CLVS1: variants seen among roughly 807,000 people sequenced by gnomAD.
CLVS1 encodes the protein clavesin 1, also known as clavesin-1.
CLVS1 carries 10 observed loss-of-function variants against 33.1 expected under a neutral mutation model. That is an observed-to-expected ratio of 0.30 (90% CI 0.19 to 0.51). The LOEUF (loss-of-function observed/expected upper bound fraction) is 0.51, where lower values mean the gene tolerates loss of function less well. Ranked by LOEUF, CLVS1 falls within the 20% of genes least tolerant of loss-of-function variation. CLVS1 has a pLI of 0.97. For synonymous variants in CLVS1, 163 were observed against 166.1 expected, an observed-to-expected ratio of 0.98 and a Z score of 0.14; for missense variants, 343 against 433.4, an observed-to-expected ratio of 0.79 and a Z score of 1.85.
chr8:61,067,311 C>T (rs1056050372), intron 1 of CLVS1, among the ~76,000 whole-genome samples: 4 of 151,684 alleles, frequency 2.6e-5, no homozygotes, highest in Middle Eastern at 3.4e-3. Context: ...ATGGAGTGTG[C>T]TCGACAAATA....
At chr8:61,292,534 T>C in intron 1 of CLVS1, 1 of 369,014 alleles carries the variant, frequency 2.7e-6, no homozygotes, top group South Asian at 2.2e-5. Flanking sequence ...ACTCTTTCCC[T>C]TTGAAGACAG....
intron 2 of CLVS1, among the ~76,000 whole-genome samples, chr8:61,214,062 G>T (rs1219424132): frequency 2.0e-5 from 3 of 152,182 alleles, no homozygotes; most frequent in African/African-American, 7.2e-5. Flanking sequence ...TCCCAGGCTT[G>T]TTAGGAAGAG....
chr8:61,374,665 A>C (rs1426388725), intron 2 of CLVS1, among the ~76,000 whole-genome samples: 1 of 152,238 alleles, frequency 6.6e-6, no homozygotes, highest in Admixed American at 6.5e-5. Context: ...AAAAATTAAA[A>C]GGGAATATAT....
At chr8:61,171,816 C>T (rs11991440) in intron 2 of CLVS1, among the ~76,000 whole-genome samples, 2,674 of 152,132 alleles carry the variant, frequency 0.018, 78 homozygotes, top group African/African-American at 0.061. Context: ...ACCACATGAA[C>T]GATATGGACG....
At chr8:61,174,848 C>T (rs142345510) in intron 2 of CLVS1, among the ~76,000 whole-genome samples, 1,196 of 89,254 alleles carry the variant, frequency 0.013, 6 homozygotes, top group Non-Finnish European at 0.02. Flanking sequence ...TTATCCCCCC[C>T]GTCAGCTTCC....
At chr8:61,098,746 A>G (rs920534351) in intron 1 of CLVS1, among the ~76,000 whole-genome samples, 2 of 152,130 alleles carry the variant, frequency 1.3e-5, no homozygotes, top group African/African-American at 4.8e-5. Flanking sequence ...GCCTACTCAT[A>G]TCCACCCCCA....
At position 61,366,928 on chromosome 8, in the gene CLVS1, C is replaced by G. The variant is rs74784842; in HGVS notation, c.456-9677C>G. On this transcript the variant is annotated intron_variant, in intron 2 of 5. Coordinates refer to ENST00000325897, the MANE Select transcript of CLVS1 (RefSeq NM_173519.3). Reference sequence around the variant, plus strand: ...ATGTTAATATTAATATTGTGTGATACTGTGCTGGGTGCTGATTCCTACTAT... The same window carrying G: ...ATGTTAATATTAATATTGTGTGATAGTGTGCTGGGTGCTGATTCCTACTAT... Among the ~76,000 whole-genome samples, 1,423 of 152,212 alleles carry G rather than the reference C, an allele frequency of 9.3e-3. 24 individuals carry two copies. Among genetic ancestry groups the G allele is most frequent in the African/African-American group, 0.033 (1,365 of 41,504 alleles).
the CLVS1 span, chr8:60,966,458 C>G: frequency 2.2e-6 from 1 of 444,584 alleles, no homozygotes. Flanking sequence ...TGAAGTCATT[C>G]TGGAGAACAA....
intron 2 of CLVS1, among the ~76,000 whole-genome samples, chr8:61,315,710 G>C (rs770065187): frequency 4.6e-5 from 7 of 152,034 alleles, no homozygotes; most frequent in Non-Finnish European, 8.8e-5. Context: ...TGAATAAGTG[G>C]CACCCCTTAA....
chr8:61,159,683 G>A (rs191870221), intron 2 of CLVS1, among the ~76,000 whole-genome samples: 2 of 152,326 alleles, frequency 1.3e-5, no homozygotes, highest in East Asian at 3.9e-4. Context: ...GAAATGTCAT[G>A]AGTCAAGTCA....
At chr8:61,162,444 T>A (rs557103771) in intron 2 of CLVS1, among the ~76,000 whole-genome samples, 101 of 152,360 alleles carry the variant, frequency 6.6e-4, no homozygotes, top group Non-Finnish European at 1.1e-3. Context: ...TCCTTTGGAA[T>A]CTGCAGTTGA....
At chr8:61,401,825 G>T (rs1238028269) in intron 3 of CLVS1, among the ~76,000 whole-genome samples, 1 of 152,092 alleles carries the variant, frequency 6.6e-6, no homozygotes, top group East Asian at 1.9e-4. Flanking sequence ...CCTCCTAATT[G>T]TACTTCAAGG....
At chr8:61,148,384 A>G (rs1806459021) in intron 2 of CLVS1, among the ~76,000 whole-genome samples, 1 of 152,230 alleles carries the variant, frequency 6.6e-6, no homozygotes, top group African/African-American at 2.4e-5. Flanking sequence ...GACAACATCC[A>G]CAGTACAAAA....
chr8:61,141,629 G>T (rs1243276022), intron 2 of CLVS1, among the ~76,000 whole-genome samples: 1 of 152,154 alleles, frequency 6.6e-6, no homozygotes. Flanking sequence ...ACTCTCACAA[G>T]GCTCTTTTGT....
At chr8:61,187,283 A>AAG (rs1807361457) in intron 2 of CLVS1, among the ~76,000 whole-genome samples, 1 of 151,830 alleles carries the variant, frequency 6.6e-6, no homozygotes, top group South Asian at 2.1e-4. Context: ...TAGATATCCC[A>AAG]TATTTATTAT....
chr8:61,230,857 G>A (rs1468302319), intron 2 of CLVS1, among the ~76,000 whole-genome samples: 1 of 152,084 alleles, frequency 6.6e-6, no homozygotes, highest in Non-Finnish European at 1.5e-5. Context: ...GTCTGGTGAG[G>A]GCCTGCTTAC....
chr8:61,011,647 C>A, the CLVS1 span, among the ~76,000 whole-genome samples: 1 of 152,058 alleles, frequency 6.6e-6, no homozygotes, highest in African/African-American at 2.4e-5. Context: ...TGGGGTTTCA[C>A]TCTGTTGACC....
chr8:61,054,468 G>A (rs541447820), upstream of CLVS1, among the ~76,000 whole-genome samples: 40 of 152,350 alleles, frequency 2.6e-4, no homozygotes, highest in African/African-American at 7.9e-4. Flanking sequence ...AGCAGACCAA[G>A]TAATGGGAGA....
intron 1 of CLVS1, among the ~76,000 whole-genome samples, chr8:61,063,277 G>T (rs143383163): frequency 2.3e-3 from 316 of 137,012 alleles, no homozygotes; most frequent in Middle Eastern, 7.1e-3. Flanking sequence ...GAGAGAGAGA[G>T]AGAGAGAGAG....
Sources: gnomAD v4.1 joint callset for allele counts (sites outside exome capture counted in the v4.1 genomes callset) on GRCh38, gnomAD v4.1.1 for gene constraint, MANE v1.5 for transcripts, NCBI Gene and HGNC (gene_info 2026-07-23, HGNC 2026-07-21) for gene names.